MAGI2: variants seen among roughly 807,000 people sequenced by gnomAD.
MAGI2 encodes the protein membrane-associated guanylate kinase, WW and PDZ domain-containing protein 2.
In MAGI2, 35 loss-of-function variants were observed where a neutral mutation model predicts 133.3. The observed-to-expected ratio is 0.26, with a 90% CI of 0.20 to 0.35. The LOEUF (loss-of-function observed/expected upper bound fraction) is 0.35, where lower values mean the gene tolerates loss of function less well. Ranked by LOEUF, MAGI2 falls within the 10% of genes least tolerant of loss-of-function variation. The probability of loss-of-function intolerance (pLI) is 1.00; values close to 1 mark genes in which losing one functional copy is unlikely to be tolerated. For missense variants in MAGI2, 1,636 were observed against 1,863.4 expected (o/e 0.88, Z 2.25); for synonymous variants, 729 against 710.6 (o/e 1.03, Z -0.41).
At chr7:79,172,344 C>T (rs760097404) in intron 1 of MAGI2, among the ~76,000 whole-genome samples, 7 of 151,980 alleles carry the variant, frequency 4.6e-5, no homozygotes, top group Non-Finnish European at 1.0e-4. Context: ...TATAGCCATA[C>T]CTTTGAACCC....
intron 1 of MAGI2, among the ~76,000 whole-genome samples, chr7:79,152,914 C>A (rs2129547117): frequency 6.6e-6 from 1 of 152,240 alleles, no homozygotes; most frequent in East Asian, 1.9e-4. Flanking sequence ...TCCTCTGAGA[C>A]AAAACAATGA....
intron 9 of MAGI2, among the ~76,000 whole-genome samples, chr7:78,263,746 T>C (rs1415494048): frequency 6.6e-6 from 1 of 152,154 alleles, no homozygotes; most frequent in Non-Finnish European, 1.5e-5. Flanking sequence ...TCTAATGCCC[T>C]TTTCACTTAA....
chr7:78,299,334 T>C (rs967820523), intron 9 of MAGI2, among the ~76,000 whole-genome samples: 3 of 152,178 alleles, frequency 2.0e-5, no homozygotes, highest in Non-Finnish European at 4.4e-5. Flanking sequence ...ATAGTAACAA[T>C]GTTGCTATCT....
chr7:78,256,666 A>G (rs1377221239), intron 9 of MAGI2, 85 bp from the exon 10 acceptor site: 1 of 1,129,116 alleles, frequency 8.9e-7, no homozygotes, highest in Non-Finnish European at 1.3e-6. Flanking sequence ...GAGACTAGTG[A>G]GAGGTGTTGT....
intron 2 of MAGI2, among the ~76,000 whole-genome samples, chr7:78,711,191 G>A (rs1585160085): frequency 6.6e-6 from 1 of 152,222 alleles, no homozygotes; most frequent in East Asian, 1.9e-4. Flanking sequence ...CTCAACAAAG[G>A]AAACATTCAT....
intron 10 of MAGI2, among the ~76,000 whole-genome samples, chr7:78,222,745 A>G (rs1191660185): frequency 2.0e-5 from 3 of 152,198 alleles, no homozygotes; most frequent in African/African-American, 7.2e-5. Context: ...TTCTTAACAC[A>G]TAGGTCCTGT....
intron 3 of MAGI2, among the ~76,000 whole-genome samples, chr7:78,576,562 C>T (rs1802289182): frequency 6.8e-6 from 1 of 147,382 alleles, no homozygotes; most frequent in Admixed American, 6.7e-5. Flanking sequence ...ACATTCTGAC[C>T]TACTTTTCCT....
At chr7:79,377,659 T>C (rs939313797) in intron 1 of MAGI2, among the ~76,000 whole-genome samples, 4 of 151,714 alleles carry the variant, frequency 2.6e-5, no homozygotes, top group African/African-American at 9.7e-5. Context: ...AAAGTAAAAT[T>C]TGAACCAATG....
Position 78,336,799 on chromosome 7 carries a change from G to T in MAGI2, c.1408+6979C>A, listed in dbSNP as rs1056985314. ...AAGAAGAAAAGAAAGAAGAAAAAAA[G>T]AAGAGAAAGATGAAGAAGAATGCTA... On this transcript the variant is annotated intron_variant, in intron 9 of 21. Coordinates refer to ENST00000354212, the MANE Select transcript of MAGI2 (RefSeq NM_012301.4). Among the ~76,000 whole-genome samples the T allele has an allele frequency of 7.9e-5, 12 of 152,138 alleles. 1 individual carries two copies. The highest frequency in any genetic ancestry group is 1.5e-5 in the Non-Finnish European group (1 of 67,968).
intron 1 of MAGI2, among the ~76,000 whole-genome samples, chr7:79,336,374 T>C (rs1179332143): frequency 1.3e-5 from 2 of 152,080 alleles, no homozygotes; most frequent in African/African-American, 2.4e-5. Flanking sequence ...ATAAACTGTT[T>C]ATGATAGAGT....
intron 1 of MAGI2, among the ~76,000 whole-genome samples, chr7:79,197,976 G>C (rs1828240147): frequency 6.6e-6 from 1 of 151,904 alleles, no homozygotes; most frequent in South Asian, 2.1e-4. Flanking sequence ...GCTGGGGGTG[G>C]TGTCTCAATC....
intron 6 of MAGI2, among the ~76,000 whole-genome samples, chr7:78,471,924 C>CAA (rs891881085): frequency 5.1e-5 from 7 of 137,584 alleles, no homozygotes; most frequent in African/African-American, 1.8e-4. Context: ...GACTCCATCT[C>CAA]AAAAAAAAAA....
chr7:78,042,467 G>A (rs1182753771), intron 21 of MAGI2, among the ~76,000 whole-genome samples: 1 of 152,184 alleles, frequency 6.6e-6, no homozygotes, highest in Non-Finnish European at 1.5e-5. Flanking sequence ...GATCAAGAGG[G>A]CGTGAACTCC....
At chr7:78,877,201 G>T (rs991339933) in intron 2 of MAGI2, among the ~76,000 whole-genome samples, 11 of 152,114 alleles carry the variant, frequency 7.2e-5, no homozygotes, top group Admixed American at 6.5e-4. Context: ...AGAGGAATCT[G>T]GTTTCTTCAT....
intron 1 of MAGI2, among the ~76,000 whole-genome samples, chr7:79,339,305 T>G (rs1266540529): frequency 6.6e-6 from 1 of 152,110 alleles, no homozygotes; most frequent in Non-Finnish European, 1.5e-5. Flanking sequence ...TTTGTACTGT[T>G]AAGTGATACA....
intron 20 of MAGI2, 53 bp from the exon 21 acceptor site, chr7:78,079,138 AT>A: frequency 6.5e-7 from 1 of 1,547,078 alleles, no homozygotes; most frequent in African/African-American, 1.4e-5. Context: ...CTCAAGTTGC[AT>A]TGTCAACAGA....
chr7:78,617,855 G>A (rs1807273847), intron 3 of MAGI2: 1 of 151,920 alleles, frequency 6.6e-6, no homozygotes, highest in Admixed American at 6.6e-5. Flanking sequence ...TGAGGGCATT[G>A]GTTTTTCCAG....
At chr7:78,876,563 A>G (rs1429301520) in intron 2 of MAGI2, among the ~76,000 whole-genome samples, 12 of 152,146 alleles carry the variant, frequency 7.9e-5, no homozygotes, top group Admixed American at 7.2e-4. Context: ...TTATATTGTA[A>G]CCACCAAAAG....
chr7:78,179,342 G>T (rs1341172397), intron 13 of MAGI2, among the ~76,000 whole-genome samples: 1 of 152,246 alleles, frequency 6.6e-6, no homozygotes, highest in Non-Finnish European at 1.5e-5. Context: ...AGCACTCGTT[G>T]TAGAGAGAGG....
Sources: gnomAD v4.1 joint callset for allele counts (sites outside exome capture counted in the v4.1 genomes callset) on GRCh38, gnomAD v4.1.1 for gene constraint, MANE v1.5 for transcripts, NCBI Gene and HGNC (gene_info 2026-07-23, HGNC 2026-07-21) for gene names.